The following WASHC4 variants were observed in gnomAD, a reference collection of about 807,000 sequenced individuals.
The protein encoded by WASHC4 is WASH complex subunit 7.
Under a neutral mutation model 166.6 loss-of-function variants are expected in WASHC4, and 86 were observed. The ratio of observed to expected loss-of-function variants is 0.52; its 90% CI spans 0.43 to 0.62. The LOEUF (loss-of-function observed/expected upper bound fraction) is 0.62. Ranked by LOEUF, WASHC4 falls within the 20% of genes least tolerant of loss-of-function variation. The pLI, the probability that WASHC4 is intolerant of heterozygous loss-of-function variation, is 0.00. For missense variants in WASHC4, 1,262 were observed against 1,382.4 expected (o/e 0.91, Z 1.38); for synonymous variants, 446 against 451.6 (o/e 0.99, Z 0.16).
chr12:105,126,112 G>A lies in WASHC4; in HGVS notation c.895G>A (p.Val299Ile). Residue 299 changes from valine (V) to isoleucine (I), a missense_variant, in exon 11 of 33, where the codon GTA (valine) becomes ATA (isoleucine). Coordinates refer to ENST00000332180, the MANE Select transcript of WASHC4 (RefSeq NM_015275.3). ...TAGTATTCGGTCAATTTTTGCAAATGTAGAAGCCAAACTTGGTAATGTAAA... is the reference window on the plus strand; with the variant it reads ...TAGTATTCGGTCAATTTTTGCAAATATAGAAGCCAAACTTGGTAATGTAAA... ...AHSIRSIFANVEAKLGEPSEI... is the reference protein window; with the variant it reads ...AHSIRSIFANIEAKLGEPSEI... 1 of 1,612,988 alleles carries A rather than the reference G, an allele frequency of 6.2e-7. No homozygotes were observed. Among genetic ancestry groups the A allele is most frequent in the Non-Finnish European group, 8.5e-7 (1 of 1,179,336 alleles).
chr12:105,120,472 A>G, intron 7 of WASHC4, 83 bp from the exon 8 acceptor site: 3 of 809,326 alleles, frequency 3.7e-6, no homozygotes, highest in South Asian at 1.4e-5. Flanking sequence ...TTCCAAGATC[A>G]TCTGCTCCTG....
chr12:105,113,115 C>T (rs1879844231), intron 2 of WASHC4, among the ~76,000 whole-genome samples: 1 of 152,070 alleles, frequency 6.6e-6, no homozygotes, highest in Non-Finnish European at 1.5e-5. Flanking sequence ...CTGTGAGAAT[C>T]ATTGTATGTA....
Position 105,111,117 on chromosome 12 carries a change from A to T in WASHC4, c.62-8A>T. ...CTTATCACATACTGTTTTAAAATTT[A>T]AACTTAGAAATTCATGCCGAAGTCC... is the stretch of plus-strand genomic sequence containing the variant. On this transcript the variant is annotated splice_region_variant and splice_polypyrimidine_tract_variant and intron_variant, in intron 1 of 32. Transcript: ENST00000332180. 1 of 1,594,556 alleles carries T rather than the reference A, an allele frequency of 6.3e-7. No homozygotes were observed. The highest frequency in any genetic ancestry group is 8.6e-7 in the Non-Finnish European group (1 of 1,163,922).
intron 2 of WASHC4, among the ~76,000 whole-genome samples, chr12:105,111,693 C>G (rs1427994540): frequency 2.0e-5 from 3 of 152,040 alleles, no homozygotes; most frequent in African/African-American, 7.2e-5. Flanking sequence ...CTGAAAAGTT[C>G]TCTCATGCTA....
intron 15 of WASHC4, among the ~76,000 whole-genome samples, chr12:105,139,395 T>G (rs1347393672): frequency 7.7e-6 from 1 of 130,490 alleles, no homozygotes; most frequent in African/African-American, 3.0e-5. Context: ...TCACATTGTC[T>G]CTATAGACAG....
chr12:105,158,409 G>A (rs1247182942), intron 28 of WASHC4, among the ~76,000 whole-genome samples: 3 of 152,268 alleles, frequency 2.0e-5, no homozygotes, highest in Admixed American at 1.3e-4. Context: ...ATGTAATGTG[G>A]CCTCTTGATG....
chr12:105,125,722 A>G (rs2135750445), intron 10 of WASHC4, among the ~76,000 whole-genome samples: 1 of 152,264 alleles, frequency 6.6e-6, no homozygotes, highest in South Asian at 2.1e-4. Flanking sequence ...TATCTTTTAT[A>G]CATCTCTGAA....
At position 105,134,194 on chromosome 12, in the gene WASHC4, G is replaced by T. The variant is rs551980983; in HGVS notation, c.1326+298G>T. On this transcript the variant is annotated intron_variant, in intron 14 of 32. Transcript: ENST00000332180. ...TATTATAACTGTGGGCTTTTTGAAA[G>T]ATTTCCTTATTTTGAAATATATGAG... is the stretch of plus-strand genomic sequence containing the variant. Among the ~76,000 whole-genome samples the T allele has an allele frequency of 2.0e-5, 3 of 152,086 alleles. No homozygotes were observed. The South Asian group carries it at 6.2e-4, about 31-fold the overall frequency.
intron 1 of WASHC4, among the ~76,000 whole-genome samples, chr12:105,109,531 A>G (rs1052846483): frequency 5.3e-5 from 8 of 152,176 alleles, no homozygotes; most frequent in African/African-American, 1.9e-4. Context: ...CCAATTTTAC[A>G]ACCGTTTATT....
At chr12:105,126,531 G>A (rs1196825) in intron 12 of WASHC4, among the ~76,000 whole-genome samples, 169 bp downstream of exon 12, 133,601 of 152,056 alleles carry the variant, frequency 0.88, 58,974 homozygotes, top group East Asian at 1. Flanking sequence ...AAAATACGTC[G>A]TATTTCTACA....
intron 27 of WASHC4, 100 bp downstream of exon 27, chr12:105,156,892 C>A: frequency 1.1e-6 from 1 of 915,180 alleles, no homozygotes; most frequent in Non-Finnish European, 1.8e-6. Context: ...GGTGTTTGTT[C>A]TTGATATATT....
chr12:105,119,860 A>G (rs1189417500), intron 7 of WASHC4, among the ~76,000 whole-genome samples: 1 of 152,212 alleles, frequency 6.6e-6, no homozygotes, highest in Non-Finnish European at 1.5e-5. Context: ...TGACTTTGGT[A>G]TAATTCTAGT....
Position 105,144,463 on chromosome 12 carries a change from T to G in WASHC4, c.2179+8T>G. The G allele has an allele frequency of 2.5e-6, 4 of 1,612,252 alleles. No individual in the cohort carries two copies. Among genetic ancestry groups the G allele is most frequent in the Non-Finnish European group, 3.4e-6 (4 of 1,178,594 alleles). On this transcript the variant is annotated splice_region_variant and intron_variant, in intron 21 of 32. Transcript: ENST00000332180. ...GTTTCATTGACATTCGGGGTGAGTG[T>G]TTTGCTTTCCTTCTTAGAGTCATAT...
chr12:105,117,650 ATGTTTT>A (rs1351653433), intron 6 of WASHC4, among the ~76,000 whole-genome samples: 3 of 151,756 alleles, frequency 2.0e-5, no homozygotes, highest in African/African-American at 7.3e-5. Flanking sequence ...TTCAACAAAT[ATGTTTT>A]GTAAGCCTAG....
chr12:105,147,915 A>C (rs968725988), intron 24 of WASHC4: 5 of 984,826 alleles, frequency 5.1e-6, no homozygotes, highest in Non-Finnish European at 6.0e-6. Flanking sequence ...CAAAAAAAAA[A>C]AAACAAACAA....
chr12:105,142,992 A>G, intron 19 of WASHC4, 135 bp from the exon 20 acceptor site: 3 of 661,052 alleles, frequency 4.5e-6, no homozygotes, highest in Non-Finnish European at 8.0e-6. Flanking sequence ...TCTTTAGGAA[A>G]GTTAAGACAG....
intron 8 of WASHC4, 123 bp downstream of exon 8, chr12:105,120,720 GTGTT>G (rs1167621654): frequency 9.9e-6 from 7 of 703,588 alleles, no homozygotes; most frequent in Admixed American, 8.8e-5. Context: ...GTGTGTGTGT[GTGTT>G]TGTGTGTGTT....
intron 14 of WASHC4, among the ~76,000 whole-genome samples, chr12:105,135,524 T>C (rs1461040652): frequency 6.6e-6 from 1 of 151,992 alleles, no homozygotes; most frequent in Non-Finnish European, 1.5e-5. Flanking sequence ...ACTTTTTGGC[T>C]TTTAGCAGTG....
Position 105,157,139 on chromosome 12 carries a change from T to C in WASHC4, c.2826-97T>C, listed in dbSNP as rs1884215569. 2.1e-5 allele frequency: 15 copies of C among 699,740 alleles called. No individual in the cohort carries two copies. In the South Asian group the frequency reaches 2.2e-4, roughly 10 times the overall value. 43.3% of individuals were successfully genotyped at this position (699,740 alleles called of 1,614,324 possible). ...TGCACAGTTGTTTCCAAATACATAG[T>C]TGAAAATTTTAGAGTCCTGCAGTAC... On this transcript the variant is annotated intron_variant, in intron 27 of 32. Transcript: ENST00000332180.
Sources: gnomAD v4.1 joint callset for allele counts (sites outside exome capture counted in the v4.1 genomes callset) on GRCh38, gnomAD v4.1.1 for gene constraint, MANE v1.5 for transcripts, NCBI Gene and HGNC (gene_info 2026-07-23, HGNC 2026-07-21) for gene names.